Variants in KDM3A observed in about 807,000 individuals in gnomAD.
The protein encoded by KDM3A is lysine-specific demethylase 3A.
KDM3A carries 60 observed loss-of-function variants against 158.0 expected under a neutral mutation model. That is an observed-to-expected ratio of 0.38 (90% CI 0.31 to 0.47). The LOEUF is 0.47. Ranked by LOEUF, KDM3A falls within the 20% of genes least tolerant of loss-of-function variation. The probability of loss-of-function intolerance (pLI) is 0.99; values close to 1 mark genes in which losing one functional copy is unlikely to be tolerated. For synonymous variants in KDM3A, 608 were observed against 549.3 expected (o/e 1.11, Z -1.49); for missense variants, 1,319 against 1,574.3 (o/e 0.84, Z 2.74).
In KDM3A at chr2:86,470,208, A is replaced by G; in HGVS notation, c.1524A>G (p.Pro508=). The G allele has an allele frequency of 6.2e-7, 1 of 1,613,908 alleles. No individual in the cohort carries two copies. ...SRSNNKIQNA[P]SRKSVLTDPA... ...CTTAATCTTTTGTTTTCCTAGCCCCATCCAGGAAGTCGGTTTTGACAGACC... is the reference window on the plus strand; with the variant it reads ...CTTAATCTTTTGTTTTCCTAGCCCCGTCCAGGAAGTCGGTTTTGACAGACC... The change falls in exon 11 of 26, where the codon CCA becomes CCG. Residue 508 remains proline (P), a synonymous_variant. Transcript: ENST00000312912.
In KDM3A at chr2:86,446,601, T is replaced by G. The variant is rs188554269; in HGVS notation, c.187-3206T>G. On this transcript the variant is annotated intron_variant, in intron 2 of 25. Coordinates refer to ENST00000312912, the MANE Select transcript of KDM3A (RefSeq NM_018433.6). ...GGCACTCACCTGTAATCCCAGCTAC[T>G]TGGGAGTCTGAGGCACGAGAATCAC... Among the ~76,000 whole-genome samples, 699 of 152,164 alleles carry G rather than the reference T, an allele frequency of 4.6e-3. 11 individuals are homozygous for G. In the South Asian group the frequency reaches 0.05, roughly 11 times the overall value.
intron 2 of KDM3A, among the ~76,000 whole-genome samples, chr2:86,444,098 C>G (rs1170344645): frequency 6.6e-6 from 1 of 152,172 alleles, no homozygotes; most frequent in Non-Finnish European, 1.5e-5. Context: ...AGGAACTTCA[C>G]ATGTATATAT....
rs761993122 is a variant in KDM3A, at chr2:86,451,229, A to G, written c.453+16A>G. 6.8e-7 allele frequency: 1 copy of G among 1,470,852 alleles called. No individual in the cohort carries two copies. Among genetic ancestry groups the G allele is most frequent in the Non-Finnish European group, 9.3e-7 (1 of 1,071,562 alleles). 91.1% of individuals were successfully genotyped at this position (1,470,852 alleles called of 1,614,324 possible). On this transcript the variant is annotated intron_variant, in intron 4 of 25. Transcript: ENST00000312912. ...GCCTATACAGGTAAAACATAGAAAC[A>G]GTAGTAAACATTAGAAACAGAAATA...
At chr2:86,465,250 A>G (rs1673084890) in intron 9 of KDM3A, among the ~76,000 whole-genome samples, 1 of 152,216 alleles carries the variant, frequency 6.6e-6, no homozygotes, top group Non-Finnish European at 1.5e-5. Flanking sequence ...TCTGTGAATA[A>G]CCAAGTAATC....
At chr2:86,481,789 C>G in intron 16 of KDM3A, 141 bp from the exon 17 acceptor site, 2 of 631,552 alleles carry the variant, frequency 3.2e-6, no homozygotes, top group Non-Finnish European at 5.6e-6. Flanking sequence ...TAAATCATAT[C>G]ATTCATACTT....
In KDM3A at chr2:86,474,891, G is replaced by C. The variant is rs199499006; in HGVS notation, c.1840G>C (p.Asp614His). ...TTTAACCAAAAACGTTGTGGGGATT[G>C]ATTTGGACACAGCAAAGTACATCTT... ...LPLTKNVVGI[D>H]LDTAKYILAN... Residue 614 changes from aspartate to histidine, a missense_variant, in exon 12 of 26, where the codon GAT (aspartate) becomes CAT (histidine). Physicochemically the swap from Asp to His is moderately conservative, Grantham distance 81. Coordinates refer to ENST00000312912, the MANE Select transcript of KDM3A (RefSeq NM_018433.6). The C allele has an allele frequency of 6.2e-7, 1 of 1,614,038 alleles. No homozygotes were observed. The highest frequency in any genetic ancestry group is 1.1e-5 in the South Asian group (1 of 91,072).
chr2:86,441,922 G>T, intron 1 of KDM3A, 96 bp from the exon 2 acceptor site: 1 of 966,496 alleles, frequency 1.0e-6, no homozygotes, highest in Non-Finnish European at 1.5e-6. Context: ...GCGTCCTCGC[G>T]CGGGTTCGGC....
chr2:86,474,484 G>A (rs1034691500), intron 11 of KDM3A, among the ~76,000 whole-genome samples: 1 of 151,924 alleles, frequency 6.6e-6, no homozygotes, highest in Non-Finnish European at 1.5e-5. Context: ...CCAACATAGC[G>A]AAACCCCATT....
chr2:86,470,026 C>T lies in KDM3A; in HGVS notation c.1520-178C>T, dbSNP rs114233136. On this transcript the variant is annotated intron_variant, in intron 10 of 25. Coordinates refer to ENST00000312912, the MANE Select transcript of KDM3A (RefSeq NM_018433.6). ...TGTTTTATAAAGAGAGTAAAACTTTCCCAGTTATTCTGATAGTTGTCTTCT... is the reference window on the plus strand; with the variant it reads ...TGTTTTATAAAGAGAGTAAAACTTTTCCAGTTATTCTGATAGTTGTCTTCT... Among the ~76,000 whole-genome samples, 907 of 152,198 alleles carry T rather than the reference C, an allele frequency of 6.0e-3. 6 individuals carry two copies. The highest frequency in any genetic ancestry group is 0.011 in the Non-Finnish European group (734 of 68,008).
chr2:86,466,529 A>G lies in KDM3A; in HGVS notation c.1165A>G (p.Ser389Gly). Residue 389 changes from serine to glycine, a missense_variant, in exon 10 of 26, where the codon AGC (serine) becomes GGC (glycine). Around this residue, in one of 4 missense-constraint regions of KDM3A, gnomAD observed 652 missense variants for 627.2 expected, o/e 1.04. Transcript: ENST00000312912. ...GAAAATTCTGACTGAGCCAAAAGGC[A>G]GCTGTACTCAGCCTAAGACAAACAC... ...DLKILTEPKG[S>G]CTQPKTNTDQ... 6.2e-7 allele frequency: 1 copy of G among 1,613,946 alleles called. No homozygotes were observed. The highest frequency in any genetic ancestry group is 8.5e-7 in the Non-Finnish European group (1 of 1,179,860).
At chr2:86,438,662 T>G (rs1033070054), upstream of KDM3A, among the ~76,000 whole-genome samples, 1 of 152,016 alleles carries the variant, frequency 6.6e-6, no homozygotes, top group Non-Finnish European at 1.5e-5. Flanking sequence ...ACAAAAAAAG[T>G]GTATTTATAA....
chr2:86,446,856 G>A (rs1682977836), intron 2 of KDM3A, among the ~76,000 whole-genome samples: 1 of 152,350 alleles, frequency 6.6e-6, no homozygotes, highest in Admixed American at 6.5e-5. Flanking sequence ...CTGTCACCCA[G>A]GCTGAAGTGC....
intron 12 of KDM3A, among the ~76,000 whole-genome samples, chr2:86,476,149 GTTTC>G (rs1558624271): frequency 6.6e-6 from 1 of 152,092 alleles, no homozygotes; most frequent in African/African-American, 2.4e-5. Flanking sequence ...GAGATACAAA[GTTTC>G]TTTATTAAAT....
At chr2:86,463,133 A>G (rs1672993553) in intron 8 of KDM3A, among the ~76,000 whole-genome samples, 1 of 152,218 alleles carries the variant, frequency 6.6e-6, no homozygotes, top group East Asian at 1.9e-4. Context: ...GGAAGTTGTA[A>G]TCAAACTTTA....
At chr2:86,470,791 A>T (rs1464557716) in intron 11 of KDM3A, among the ~76,000 whole-genome samples, 2 of 152,174 alleles carry the variant, frequency 1.3e-5, no homozygotes, top group Non-Finnish European at 2.9e-5. Flanking sequence ...TTTGAATCTT[A>T]CTTTCCCATT....
intron 2 of KDM3A, among the ~76,000 whole-genome samples, chr2:86,447,150 T>A (rs1044132817): frequency 2.0e-5 from 3 of 152,244 alleles, no homozygotes; most frequent in African/African-American, 7.2e-5. Context: ...TGAACAATAT[T>A]GAAGAAAGCT....
chr2:86,479,890 T>C (rs776009273), intron 15 of KDM3A: 3 of 407,208 alleles, frequency 7.4e-6, no homozygotes, highest in Non-Finnish European at 1.3e-5. Flanking sequence ...ACCAGCATGG[T>C]ACATAGAGTA....
At chr2:86,437,853 T>C (rs1426142769), upstream of KDM3A, among the ~76,000 whole-genome samples, 1 of 152,208 alleles carries the variant, frequency 6.6e-6, no homozygotes, top group Non-Finnish European at 1.5e-5. Context: ...GTTGATCTTT[T>C]ATTGCATTAT....
At chr2:86,437,729 C>A (rs1251149543), upstream of KDM3A, among the ~76,000 whole-genome samples, 2 of 152,062 alleles carry the variant, frequency 1.3e-5, no homozygotes, top group East Asian at 3.8e-4. Flanking sequence ...GTGTTCATTT[C>A]ATGTATTAAT....
Sources: allele counts gnomAD v4.1 joint callset (sites outside exome capture counted in the v4.1 genomes callset), GRCh38; gene constraint gnomAD v4.1.1; regional missense constraint gnomAD v4.1.1; transcripts MANE v1.5; gene names NCBI Gene and HGNC (gene_info 2026-07-23, HGNC 2026-07-21).